Variants in HEATR3 observed in about 807,000 individuals in gnomAD.
HEATR3 encodes the protein HEAT repeat containing 3.
In HEATR3, 56 loss-of-function variants were observed where a neutral mutation model predicts 72.8. The observed-to-expected ratio is 0.77, with a 90% CI of 0.62 to 0.96. The LOEUF (loss-of-function observed/expected upper bound fraction) is 0.96. Ranked by LOEUF, HEATR3 falls within the 40% of genes least tolerant of loss-of-function variation. The pLI is 0.00. For missense variants in HEATR3, 747 were observed against 831.4 expected, an observed-to-expected ratio of 0.90 and a Z score of 1.25; for synonymous variants, 331 against 318.1, an observed-to-expected ratio of 1.04 and a Z score of -0.43.
chr16:50,077,083 C>T (rs2036751216), intron 6 of HEATR3, among the ~76,000 whole-genome samples: 1 of 152,012 alleles, frequency 6.6e-6, no homozygotes, highest in Admixed American at 6.6e-5. Context: ...ACTGTGTTAG[C>T]CAGGATGGTC....
rs367892661 is a variant in HEATR3, at chr16:50,066,418, C to T, written c.190C>T (p.Arg64Trp). The T allele has an allele frequency of 6.6e-7, 1 of 1,513,810 alleles. No homozygotes were observed. Among genetic ancestry groups the T allele is most frequent in the Non-Finnish European group, 8.7e-7 (1 of 1,144,352 alleles). 93.8% of individuals were successfully genotyped at this position (1,513,810 alleles called of 1,614,324 possible). Reference protein sequence around the residue: ...VRECACAGLARLVQQRPALPG... With the variant: ...VRECACAGLAWLVQQRPALPG... ...CGAGTGCGCCTGCGCAGGGCTGGCC[C>T]GGCTGGTGCAGCAGCGGCCGGCACT... Residue 64 changes from arginine (R) to tryptophan (W), a missense_variant, in exon 2 of 15, where the codon CGG becomes TGG. Around this residue, in one of 2 missense-constraint regions of HEATR3, gnomAD observed 161 missense variants for 122.6 expected, o/e 1.31. Coordinates refer to ENST00000299192, the MANE Select transcript of HEATR3 (RefSeq NM_182922.4).
chr16:50,074,002 T>C (rs1428573273), intron 5 of HEATR3: 1 of 152,248 alleles, frequency 6.6e-6, no homozygotes, highest in Non-Finnish European at 1.5e-5. Flanking sequence ...CAGTCATGGC[T>C]GTTGGCTAAA....
At chr16:50,085,425 A>C (rs767297293) in intron 10 of HEATR3, among the ~76,000 whole-genome samples, 11 of 152,186 alleles carry the variant, frequency 7.2e-5, no homozygotes, top group Non-Finnish European at 1.3e-4. Context: ...CAGGAGTTTG[A>C]AACCAGCCTG....
rs1462622133 is a variant in HEATR3 at position 50,066,046 on chromosome 16, A to G, written c.-86A>G. The G allele has an allele frequency of 9.1e-5, 123 of 1,345,784 alleles. 1 individual carries two copies. The highest frequency in any genetic ancestry group is 1.1e-4 in the Non-Finnish European group (114 of 1,009,874). The allele number at this position is 1,345,784 out of a possible 1,614,324, so 83.4% of individuals were successfully genotyped here. On this transcript the variant is annotated 5_prime_UTR_variant, in exon 1 of 15. Transcript: ENST00000299192. ...TCAGCCGGCCCAGCTGAGCAGCAGC[A>G]ACGGACCTTGTTAACGGCGCGGCAG...
intron 12 of HEATR3, among the ~76,000 whole-genome samples, chr16:50,095,435 A>G (rs1364124761): frequency 7.0e-6 from 1 of 143,180 alleles, no homozygotes; most frequent in Admixed American, 7.1e-5. Flanking sequence ...TTAACATTTC[A>G]TTACAGACTT....
chr16:50,068,712 G>T, intron 2 of HEATR3, 68 bp from the exon 3 acceptor site: 3 of 650,058 alleles, frequency 4.6e-6, no homozygotes, highest in Non-Finnish European at 7.4e-6. Context: ...AAATAGAAAT[G>T]TGAGAGGGTA....
intron 11 of HEATR3, among the ~76,000 whole-genome samples, chr16:50,086,695 C>T (rs1379965958): frequency 6.6e-6 from 1 of 152,058 alleles, no homozygotes; most frequent in African/African-American, 2.4e-5. Context: ...TTTGGGAGGC[C>T]GAGGCGGGAG....
At chr16:50,097,594 G>A (rs75773478) in intron 12 of HEATR3, among the ~76,000 whole-genome samples, 3,102 of 151,962 alleles carry the variant, frequency 0.02, 108 homozygotes, top group African/African-American at 0.072. Flanking sequence ...GGATGTCCCA[G>A]GTTCAATTTG....
chr16:50,104,698 A>G (rs1032875568), intron 14 of HEATR3, among the ~76,000 whole-genome samples: 2 of 152,210 alleles, frequency 1.3e-5, no homozygotes, highest in Non-Finnish European at 2.9e-5. Flanking sequence ...TCTATAGTTT[A>G]TATAACTCCT....
rs548293550 is a variant in HEATR3, at chr16:50,095,632, A to G, written c.1599+839A>G. On this transcript the variant is annotated intron_variant, in intron 12 of 14. Coordinates refer to ENST00000299192, the MANE Select transcript of HEATR3 (RefSeq NM_182922.4). ...TGCCCAGGCTAGTCTCCTGGATTCAATCCTCCCACCTCAGCCTCCCAAGTA... is the reference window on the plus strand; with the variant it reads ...TGCCCAGGCTAGTCTCCTGGATTCAGTCCTCCCACCTCAGCCTCCCAAGTA... 3.3e-4 allele frequency among the ~76,000 whole-genome samples: 50 copies of G among 151,806 alleles called. No individual in the cohort carries two copies. The East Asian group carries it at 4.5e-3, about 14-fold the overall frequency.
At chr16:50,097,621 A>C (rs1464838692) in intron 12 of HEATR3, among the ~76,000 whole-genome samples, 1 of 151,984 alleles carries the variant, frequency 6.6e-6, no homozygotes, top group Non-Finnish European at 1.5e-5. Context: ...TCTTGCTTAA[A>C]ACCTGGAATC....
intron 8 of HEATR3, 46 bp downstream of exon 8, chr16:50,084,073 G>A (rs889960365): frequency 2.5e-6 from 4 of 1,613,580 alleles, no homozygotes; most frequent in Non-Finnish European, 3.4e-6. Context: ...GAGCCAAGAG[G>A]GAAACTCCCG....
At chr16:50,101,922 G>A (rs2037374676) in intron 13 of HEATR3, among the ~76,000 whole-genome samples, 4 of 151,906 alleles carry the variant, frequency 2.6e-5, no homozygotes, top group Admixed American at 2.6e-4. Flanking sequence ...ATTTTTTGTT[G>A]TTGTCGTTGT....
At chr16:50,076,910 C>A (rs1319676002) in intron 6 of HEATR3, among the ~76,000 whole-genome samples, 4 of 149,764 alleles carry the variant, frequency 2.7e-5, no homozygotes, top group African/African-American at 9.9e-5. Context: ...GCTCTGCCGC[C>A]CAGGCTGGAG....
chr16:50,084,453 T>A (rs186715146), intron 9 of HEATR3, 116 bp from the exon 10 acceptor site: 3 of 1,128,020 alleles, frequency 2.7e-6, no homozygotes, highest in African/African-American at 3.1e-5. Flanking sequence ...GGCGAAAAGG[T>A]CATTCTATAT....
At chr16:50,100,593 C>T (rs966113064) in intron 13 of HEATR3, 19 of 500,406 alleles carry the variant, frequency 3.8e-5, no homozygotes, top group African/African-American at 2.4e-4. Context: ...TACAATTTAA[C>T]GTTATTCCAG....
At position 50,066,293 on chromosome 16, in the gene HEATR3, C is replaced by T. The variant is rs903005640; in HGVS notation, c.138+24C>T. ...AGGTGAGGCGAGGGCTCCGTCGGGC[C>T]GGGAGGCGAGACGAGGTTGCCCCGC... is the stretch of plus-strand genomic sequence containing the variant. On this transcript the variant is annotated intron_variant, in intron 1 of 14. Coordinates refer to ENST00000299192, the MANE Select transcript of HEATR3 (RefSeq NM_182922.4). 3.2e-6 allele frequency: 5 copies of T among 1,575,984 alleles called. No homozygotes were observed. In the African/African-American group the frequency reaches 6.9e-5, roughly 22 times the overall value.
chr16:50,075,555 A>AT lies in HEATR3; in HGVS notation c.623-10dup. On this transcript the variant is annotated splice_polypyrimidine_tract_variant and intron_variant, in intron 5 of 14. Transcript: ENST00000299192. Reference sequence around the variant, plus strand: ...AGAATTCATTTGTTTCTAAATACTTATTTTTTGCCTCGTAGCATATTGTTT... The same window carrying AT: ...AGAATTCATTTGTTTCTAAATACTTATTTTTTTGCCTCGTAGCATATTGTTT... The AT allele has an allele frequency of 6.2e-7, 1 of 1,602,974 alleles. No homozygotes were observed. The highest frequency in any genetic ancestry group is 1.1e-5 in the South Asian group (1 of 90,766).
At chr16:50,079,820 T>C (rs2150604982) in intron 7 of HEATR3, among the ~76,000 whole-genome samples, 1 of 152,266 alleles carries the variant, frequency 6.6e-6, no homozygotes, top group East Asian at 1.9e-4. Flanking sequence ...ACTTCCTCCA[T>C]GTTGGGAAGA....
Sources: gnomAD v4.1 joint callset for allele counts (sites outside exome capture counted in the v4.1 genomes callset) on GRCh38, gnomAD v4.1.1 for gene constraint, gnomAD v4.1.1 regional missense constraint, MANE v1.5 for transcripts, NCBI Gene and HGNC (gene_info 2026-07-23, HGNC 2026-07-21) for gene names.